Variants in RGS6 observed in about 807,000 individuals in gnomAD.
RGS6 encodes the protein regulator of G protein signaling 6.
A neutral mutation model predicts 78.5 loss-of-function variants in RGS6; 30 were observed. That is an observed-to-expected ratio of 0.38 (90% confidence interval 0.29 to 0.52). The LOEUF is 0.52. Among genes scored for constraint, RGS6 ranks in the 20% least tolerant of loss-of-function variants. The pLI is 0.85. For synonymous variants in RGS6, 206 were observed against 206.0 expected, an observed-to-expected ratio of 1.00 and a Z score of 0.00; for missense variants, 495 against 609.7, an observed-to-expected ratio of 0.81 and a Z score of 1.98.
intron 2 of RGS6, among the ~76,000 whole-genome samples, chr14:72,145,136 C>G (rs949323757): frequency 6.6e-6 from 1 of 152,062 alleles, no homozygotes; most frequent in Non-Finnish European, 1.5e-5. Context: ...CAAAATATCT[C>G]AAGAACTGAT....
At chr14:72,338,808 A>G (rs577791146) in intron 2 of RGS6, among the ~76,000 whole-genome samples, 1 of 152,320 alleles carries the variant, frequency 6.6e-6, no homozygotes, top group Non-Finnish European at 1.5e-5. Context: ...AGGGAGCTGT[A>G]GAAGCTTCTG....
At chr14:72,485,429 T>C (rs2096469190) in intron 12 of RGS6, among the ~76,000 whole-genome samples, 1 of 152,208 alleles carries the variant, frequency 6.6e-6, no homozygotes. Flanking sequence ...GAAATGGTAC[T>C]GTGCGTTGGC....
chr14:72,076,438 A>C (rs73295166), intron 2 of RGS6, among the ~76,000 whole-genome samples: 366 of 152,238 alleles, frequency 2.4e-3, no homozygotes, highest in African/African-American at 8.1e-3. Context: ...TCTAATGAAC[A>C]CTCCAGTGAA....
chr14:72,066,010 TG>T (rs2094131864), intron 2 of RGS6, among the ~76,000 whole-genome samples: 1 of 147,862 alleles, frequency 6.8e-6, no homozygotes, highest in South Asian at 2.3e-4. Flanking sequence ...TATTAAGCCA[TG>T]TCTCTGCCTG....
At chr14:72,402,370 T>C (rs2092502608) in intron 3 of RGS6, among the ~76,000 whole-genome samples, 1 of 152,198 alleles carries the variant, frequency 6.6e-6, no homozygotes, top group Non-Finnish European at 1.5e-5. Context: ...TTCGCATATA[T>C]CTTTCCTATC....
intron 11 of RGS6, 42 bp downstream of exon 11, chr14:72,476,882 C>A: frequency 1.3e-6 from 2 of 1,551,514 alleles, no homozygotes; most frequent in Non-Finnish European, 8.9e-7. Flanking sequence ...GGAGACGTGG[C>A]CAGTTTAAAA....
chr14:72,096,654 C>T (rs550277232), intron 2 of RGS6, among the ~76,000 whole-genome samples: 1 of 152,276 alleles, frequency 6.6e-6, no homozygotes, highest in South Asian at 2.1e-4. Context: ...AGCTGGGGCT[C>T]CTACACATGG....
intron 15 of RGS6, among the ~76,000 whole-genome samples, chr14:72,519,321 A>G (rs2096998224): frequency 6.6e-6 from 1 of 152,084 alleles, no homozygotes; most frequent in African/African-American, 2.4e-5. Context: ...CCTGGCCCCT[A>G]ATTTCTATTT....
At chr14:71,968,330 A>C (rs1394543888) in intron 2 of RGS6, among the ~76,000 whole-genome samples, 1 of 152,154 alleles carries the variant, frequency 6.6e-6, no homozygotes, top group African/African-American at 2.4e-5. Flanking sequence ...TCTCAGGAAA[A>C]TCTGATGCCC....
the RGS6 span, among the ~76,000 whole-genome samples, chr14:72,608,759 T>C: frequency 4.6e-5 from 7 of 152,218 alleles, no homozygotes; most frequent in Non-Finnish European, 1.0e-4. Flanking sequence ...TCCCTGGTGC[T>C]ATGTATGACG....
chr14:71,874,474 A>T, the RGS6 span, among the ~76,000 whole-genome samples: 2 of 152,102 alleles, frequency 1.3e-5, no homozygotes, highest in Non-Finnish European at 2.9e-5. Context: ...AATGCTTGTG[A>T]TTTTTGCACA....
intron 2 of RGS6, among the ~76,000 whole-genome samples, chr14:72,324,064 A>T (rs1372716958): frequency 6.6e-6 from 1 of 152,056 alleles, no homozygotes; most frequent in African/African-American, 2.4e-5. Flanking sequence ...CTCTCTCGTT[A>T]TTCTAAAATG....
intron 2 of RGS6, among the ~76,000 whole-genome samples, chr14:71,981,657 C>T (rs1263909989): frequency 2.7e-4 from 41 of 151,460 alleles, no homozygotes; most frequent in African/African-American, 9.3e-4. Flanking sequence ...AGATCTCCAG[C>T]TGCGTGCTGG....
chr14:72,462,355 C>T (rs980334276), intron 6 of RGS6, among the ~76,000 whole-genome samples: 2 of 152,146 alleles, frequency 1.3e-5, no homozygotes, highest in Non-Finnish European at 2.9e-5. Context: ...CAAGTAGAGA[C>T]ATTTAGAATG....
intron 6 of RGS6, 113 bp from the exon 7 acceptor site, chr14:72,465,645 G>GATGGATGGATGGATGGGTGAATGGGTGA: frequency 1.4e-6 from 1 of 710,076 alleles, no homozygotes; most frequent in Non-Finnish European, 2.5e-6. Flanking sequence ...TGGATGGATG[G>GATGGATGGATGGATGGGTGAATGGGTGA]ATGGATGGAT....
chr14:71,999,959 A>T (rs1297546460), intron 2 of RGS6, among the ~76,000 whole-genome samples: 2 of 152,156 alleles, frequency 1.3e-5, no homozygotes, highest in African/African-American at 4.8e-5. Flanking sequence ...AAAAACTGCA[A>T]GAGAAGTTTA....
At position 72,542,960 on chromosome 14, in the gene RGS6, G is replaced by C. The variant is rs774587381; in HGVS notation, c.1422+2866G>C. 2.4e-4 allele frequency among the ~76,000 whole-genome samples: 36 copies of C among 152,158 alleles called. 1 individual carries two copies. Among genetic ancestry groups the C allele is most frequent in the Admixed American group, 3.9e-4 (6 of 15,282 alleles). ...TTAGTTTGGGTGACGAAGGGGCCTGGTACTCCCCAGTCAATAGAGGAAGTG... is the reference window on the plus strand; with the variant it reads ...TTAGTTTGGGTGACGAAGGGGCCTGCTACTCCCCAGTCAATAGAGGAAGTG... On this transcript the variant is annotated intron_variant, in intron 17 of 17. Coordinates refer to ENST00000553525, the MANE Select transcript of RGS6 (RefSeq NM_001204424.2).
At chr14:72,101,014 C>T (rs1327392404) in intron 2 of RGS6, among the ~76,000 whole-genome samples, 1 of 152,124 alleles carries the variant, frequency 6.6e-6, no homozygotes, top group Admixed American at 6.5e-5. Flanking sequence ...CAAACATTAG[C>T]TGGGCTTAGT....
chr14:71,942,385 CT>C, intron 1 of RGS6, among the ~76,000 whole-genome samples: 1 of 151,850 alleles, frequency 6.6e-6, no homozygotes, highest in East Asian at 1.9e-4. Context: ...ATTAATTACC[CT>C]AATTACCAAG....
Sources: allele counts gnomAD v4.1 joint callset (sites outside exome capture counted in the v4.1 genomes callset), GRCh38; gene constraint gnomAD v4.1.1; transcripts MANE v1.5; gene names NCBI Gene and HGNC (gene_info 2026-07-23, HGNC 2026-07-21).